The following TLN2 variants were observed in gnomAD, a reference collection of about 807,000 sequenced individuals.
The protein encoded by TLN2 is talin 2.
A neutral mutation model predicts 294.7 loss-of-function variants in TLN2; 118 were observed. The ratio of observed to expected loss-of-function variants is 0.40; its 90% CI spans 0.34 to 0.47. TLN2 has a LOEUF of 0.47. TLN2 is among the 20% of genes least tolerant of loss of function. The pLI is 0.84. For synonymous variants in TLN2, 1,431 were observed against 1,304.5 expected (o/e 1.10, Z -2.09); for missense variants, 3,083 against 3,282.2 (o/e 0.94, Z 1.48).
intron 1 of TLN2, among the ~76,000 whole-genome samples, chr15:62,454,928 TC>T (rs1405707107): frequency 4.0e-5 from 6 of 151,828 alleles, no homozygotes; most frequent in Non-Finnish European, 8.8e-5. Context: ...ACACTATCAT[TC>T]CCCCAGTCCC....
intron 1 of TLN2, among the ~76,000 whole-genome samples, chr15:62,539,953 A>G (rs938954926): frequency 1.3e-5 from 2 of 152,120 alleles, no homozygotes; most frequent in African/African-American, 4.8e-5. Flanking sequence ...TAAACCTCCA[A>G]CTGCTCATTT....
intron 1 of TLN2, among the ~76,000 whole-genome samples, chr15:62,394,914 G>C (rs746234113): frequency 4.6e-5 from 7 of 152,152 alleles, no homozygotes; most frequent in Non-Finnish European, 1.0e-4. Context: ...TTTCACAGTG[G>C]AGTTTCAGAG....
intron 28 of TLN2, among the ~76,000 whole-genome samples, chr15:62,729,026 G>T (rs1193597419): frequency 6.6e-6 from 1 of 152,124 alleles, no homozygotes; most frequent in African/African-American, 2.4e-5. Flanking sequence ...TTATTTATGT[G>T]CAGTAGGATT....
intron 1 of TLN2, among the ~76,000 whole-genome samples, chr15:62,428,074 AC>A (rs200076050): frequency 0.018 from 2,711 of 151,528 alleles, 29 homozygotes; most frequent in Non-Finnish European, 0.028. Flanking sequence ...TTGTGCCACC[AC>A]CCCCCCTCCA....
chr15:62,725,303 A>G (rs1343347670), intron 27 of TLN2, among the ~76,000 whole-genome samples, 199 bp downstream of exon 27: 2 of 152,224 alleles, frequency 1.3e-5, no homozygotes, highest in Non-Finnish European at 2.9e-5. Context: ...ACTCAGCTGT[A>G]TCATCAACTA....
intron 11 of TLN2, among the ~76,000 whole-genome samples, chr15:62,680,108 C>G (rs2056681797): frequency 6.6e-6 from 1 of 152,160 alleles, no homozygotes; most frequent in Non-Finnish European, 1.5e-5. Flanking sequence ...CAGATAAATT[C>G]CCTTAACGTT....
At chr15:62,769,238 C>G (rs1293084828) in intron 41 of TLN2, among the ~76,000 whole-genome samples, 3 of 152,250 alleles carry the variant, frequency 2.0e-5, no homozygotes, top group Non-Finnish European at 4.4e-5. Flanking sequence ...ACCCTAAGCC[C>G]TCTGTCCCGA....
chr15:62,820,242 C>G (rs1398155519), intron 53 of TLN2, among the ~76,000 whole-genome samples: 1 of 152,138 alleles, frequency 6.6e-6, no homozygotes, highest in Non-Finnish European at 1.5e-5. Flanking sequence ...ATTTTTGAAG[C>G]TGCTTGGTGA....
At chr15:62,468,364 A>G (rs537417918) in intron 1 of TLN2, among the ~76,000 whole-genome samples, 1 of 152,326 alleles carries the variant, frequency 6.6e-6, no homozygotes, top group African/African-American at 2.4e-5. Context: ...CATCCCCTGC[A>G]CAGCTGGGAT....
In TLN2 at chr15:62,727,104, G is replaced by A. The variant is rs370120612; in HGVS notation, c.3273G>A (p.Gln1091=). 5.6e-6 allele frequency: 9 copies of A among 1,614,028 alleles called. No individual in the cohort carries two copies. Among genetic ancestry groups the A allele is most frequent in the South Asian group, 4.4e-5 (4 of 91,074 alleles). The change falls in exon 28 of 59, where the codon CAG becomes CAA. Residue 1091 remains glutamine (Q), a synonymous_variant. Coordinates refer to ENST00000636159, the MANE Select transcript of TLN2 (RefSeq NM_015059.3). The part of the protein sequence containing the change: ...LPGETLEKCA[Q]DLGSTSKAVG... ...TCTTGTAGCTGGAAAAATGTGCTCA[G>A]GACCTGGGAAGCACATCCAAGGCGG... is the stretch of plus-strand genomic sequence containing the variant.
intron 1 of TLN2, among the ~76,000 whole-genome samples, chr15:62,455,363 G>A (rs1327489452): frequency 3.3e-5 from 5 of 152,154 alleles, no homozygotes; most frequent in Non-Finnish European, 7.4e-5. Context: ...CAAAAAGCCA[G>A]TGGGAGAGGG....
At chr15:62,728,919 T>C (rs1358099056) in intron 28 of TLN2, among the ~76,000 whole-genome samples, 2 of 152,214 alleles carry the variant, frequency 1.3e-5, no homozygotes, top group African/African-American at 4.8e-5. Context: ...TTTTAAAACT[T>C]TTGCCTAAGA....
chr15:62,540,138 G>A (rs907834488), intron 1 of TLN2, among the ~76,000 whole-genome samples: 3 of 152,060 alleles, frequency 2.0e-5, no homozygotes, highest in East Asian at 1.9e-4. Context: ...TCAGGAGTTC[G>A]AGACCAGCCT....
At chr15:62,474,393 AGT>A (rs1350317547) in intron 1 of TLN2, among the ~76,000 whole-genome samples, 1 of 152,200 alleles carries the variant, frequency 6.6e-6, no homozygotes, top group Non-Finnish European at 1.5e-5. Flanking sequence ...CTATAATCCC[AGT>A]GCTTTGGGAG....
intron 14 of TLN2, among the ~76,000 whole-genome samples, chr15:62,694,959 G>A (rs1294686341): frequency 6.6e-6 from 1 of 152,200 alleles, no homozygotes; most frequent in Non-Finnish European, 1.5e-5. Context: ...TCTATAAAAT[G>A]GGGATAATGA....
chr15:62,749,434 C>T (rs961712277), intron 33 of TLN2, among the ~76,000 whole-genome samples: 4 of 152,196 alleles, frequency 2.6e-5, no homozygotes, highest in African/African-American at 9.7e-5. Context: ...GCCAGTACTC[C>T]GTCCCTTATT....
At chr15:62,810,618 C>A (rs911708980) in intron 52 of TLN2, among the ~76,000 whole-genome samples, 2 of 150,930 alleles carry the variant, frequency 1.3e-5, no homozygotes, top group East Asian at 3.9e-4. Flanking sequence ...ATAGTCATGG[C>A]TGGTGGGCTG....
At chr15:62,677,805 A>ATTTTTTTTTTTTTTTTT (rs1555466874) in intron 11 of TLN2, among the ~76,000 whole-genome samples, 1 of 11,146 alleles carries the variant, frequency 9.0e-5, no homozygotes, top group Non-Finnish European at 4.0e-4. Flanking sequence ...AGCACTTGCA[A>ATTTTTTTTTTTTTTTTT]CTTTTTTTTT....
intron 30 of TLN2, among the ~76,000 whole-genome samples, chr15:62,738,606 C>G (rs544528771): frequency 6.6e-6 from 1 of 152,202 alleles, no homozygotes; most frequent in South Asian, 2.1e-4. Context: ...GATCACCTGT[C>G]TTCTCATCAG....
Sources: gnomAD v4.1 joint callset for allele counts (sites outside exome capture counted in the v4.1 genomes callset) on GRCh38, gnomAD v4.1.1 for gene constraint, MANE v1.5 for transcripts, NCBI Gene and HGNC (gene_info 2026-07-23, HGNC 2026-07-21) for gene names.